Variants in RNF24 observed in about 807,000 individuals in gnomAD.
RNF24 encodes ring finger protein 24.
Under a neutral mutation model 20.0 loss-of-function variants are expected in RNF24, and 14 were observed. That is an observed-to-expected ratio of 0.70 (90% CI 0.46 to 1.10). The LOEUF (loss-of-function observed/expected upper bound fraction) is 1.10, where lower values mean the gene tolerates loss of function less well. RNF24 is among the 50% of genes least tolerant of loss of function. The pLI, the probability that RNF24 is intolerant of heterozygous loss-of-function variation, is 0.00. For synonymous variants in RNF24, 45 were observed against 61.1 expected (o/e 0.74, Z 1.23); for missense variants, 124 against 177.6 (o/e 0.70, Z 1.71).
rs957891600 is a variant in RNF24 at position 3,929,184 on chromosome 20, C to CA, written c.*4878dup. On this transcript the variant is annotated 3_prime_UTR_variant, in exon 6 of 6. Transcript: ENST00000358395. ...GCATTTTCTTTTCAAAGTGTGTGCA[C>CA]AGAGTGAGGAGGCCAGCCTGGGCAA... 6.6e-6 allele frequency: 1 copy of CA among 152,166 alleles called. No individual in the cohort carries two copies. Among genetic ancestry groups the CA allele is most frequent in the African/African-American group, 2.4e-5 (1 of 41,428 alleles). The allele number at this position is 152,166 out of a possible 1,614,324, so 9.4% of individuals were successfully genotyped here.
chr20:4,006,741 T>C (rs1043368324), intron 1 of RNF24, among the ~76,000 whole-genome samples: 2 of 152,194 alleles, frequency 1.3e-5, no homozygotes, highest in Non-Finnish European at 2.9e-5. Flanking sequence ...TGGGGTACTA[T>C]GGAGGGCCAG....
At chr20:3,988,519 G>A (rs1323713177) in intron 1 of RNF24, among the ~76,000 whole-genome samples, 4 of 147,962 alleles carry the variant, frequency 2.7e-5, no homozygotes, top group Admixed American at 6.8e-5. Flanking sequence ...GAATGCAGAG[G>A]TGCAATCACA....
At chr20:3,959,867 G>A (rs1317431202) in intron 2 of RNF24, among the ~76,000 whole-genome samples, 1 of 152,052 alleles carries the variant, frequency 6.6e-6, no homozygotes, top group Non-Finnish European at 1.5e-5. Context: ...GCTTAATATC[G>A]TGCCAGGCAC....
chr20:3,935,165 T>C (rs918566948), intron 4 of RNF24, 92 bp from the exon 5 acceptor site: 15 of 953,578 alleles, frequency 1.6e-5, no homozygotes, highest in Non-Finnish European at 2.5e-5. Context: ...CTCAACCGTT[T>C]GAAGGGACTC....
chr20:3,985,259 G>A (rs894428640), intron 1 of RNF24, among the ~76,000 whole-genome samples: 1 of 152,060 alleles, frequency 6.6e-6, no homozygotes, highest in Non-Finnish European at 1.5e-5. Flanking sequence ...CTAACCAGAT[G>A]TATATATTTG....
intron 1 of RNF24, chr20:3,974,344 G>A (rs752811987): frequency 1.0e-4 from 162 of 1,550,290 alleles, no homozygotes; most frequent in Middle Eastern, 1.7e-4. Context: ...CCCTAAGACC[G>A]GGAACAAGGC....
rs1250049579 is a variant in RNF24 at position 3,933,725 on chromosome 20, T to C, written c.*338A>G. The stretch of plus-strand genomic sequence containing the variant: ...TGGGGGTGTGGCTTGAAAGACCTGC[T>C]CTTAGTTCCCTTCTTTACCCTCCTG... On this transcript the variant is annotated 3_prime_UTR_variant, in exon 6 of 6. Transcript: ENST00000358395. 1 of 188,030 alleles carries C rather than the reference T, an allele frequency of 5.3e-6. No homozygotes were observed. The highest frequency in any genetic ancestry group is 1.1e-5 in the Non-Finnish European group (1 of 92,326). 11.6% of individuals were successfully genotyped at this position (188,030 alleles called of 1,614,324 possible).
At chr20:3,991,805 T>C (rs1980462996) in intron 1 of RNF24, among the ~76,000 whole-genome samples, 1 of 152,146 alleles carries the variant, frequency 6.6e-6, no homozygotes, top group Admixed American at 6.6e-5. Context: ...TAATTATATA[T>C]AAATTGTTTC....
rs932682673 is a variant in RNF24 at position 3,928,081 on chromosome 20, C to T, written c.*5982G>A. 6 of 152,254 alleles carry T rather than the reference C, an allele frequency of 3.9e-5. No individual in the cohort carries two copies. In the East Asian group the frequency reaches 5.8e-4, roughly 15 times the overall value. The allele number at this position is 152,254 out of a possible 1,614,324, so 9.4% of individuals were successfully genotyped here. ...CCCTTATTAATCTTTACTAAAGAAC[C>T]GTGAACCAGCATTTTCCAGTTATCA... On this transcript the variant is annotated 3_prime_UTR_variant, in exon 6 of 6. Transcript: ENST00000358395.
At position 4,001,928 on chromosome 20, in the gene RNF24, C is replaced by CA. The variant is rs574510091; in HGVS notation, c.-8+13508dup. Among the ~76,000 whole-genome samples the CA allele has an allele frequency of 1.4e-4, 22 of 151,934 alleles. No homozygotes were observed. In the East Asian group the frequency reaches 4.3e-3, roughly 29 times the overall value. ...CACCACTGCACTCTAGCCTGGGCGA[C>CA]AGTGAGACCCTGCCTCTTAAAAAAA... On this transcript the variant is annotated intron_variant, in intron 1 of 5. Transcript: ENST00000358395.
Position 3,929,466 on chromosome 20 carries a change from A to C in RNF24, c.*4597T>G, listed in dbSNP as rs1354895288. 1 of 152,270 alleles carries C rather than the reference A, an allele frequency of 6.6e-6. No homozygotes were observed. The highest frequency in any genetic ancestry group is 1.5e-5 in the Non-Finnish European group (1 of 68,068). The allele number at this position is 152,270 out of a possible 1,614,324, so 9.4% of individuals were successfully genotyped here. ...ACGCTGGACATTCAGGCATATCCAC[A>C]TGAGACTCACTGTGCACTTGCTCAG... On this transcript the variant is annotated 3_prime_UTR_variant, in exon 6 of 6. Transcript: ENST00000358395.
At chr20:3,997,119 G>A (rs573780115) in intron 1 of RNF24, among the ~76,000 whole-genome samples, 62 of 151,294 alleles carry the variant, frequency 4.1e-4, no homozygotes, top group African/African-American at 1.1e-3. Flanking sequence ...CCAGCTACTC[G>A]GGAGGCTGAG....
rs1600596352 is a variant in RNF24 at position 3,927,903 on chromosome 20, T to C, written c.*6160A>G. Reference sequence around the variant, plus strand: ...GGACTGGATGGTAAGCCAAAGGTGCTGATGCTTGGTCAAAAAGTGGAGTAC... The same window carrying C: ...GGACTGGATGGTAAGCCAAAGGTGCCGATGCTTGGTCAAAAAGTGGAGTAC... On this transcript the variant is annotated 3_prime_UTR_variant, in exon 6 of 6. Transcript: ENST00000358395. 1 of 152,248 alleles carries C rather than the reference T, an allele frequency of 6.6e-6. No homozygotes were observed. The highest frequency in any genetic ancestry group is 1.5e-5 in the Non-Finnish European group (1 of 68,060). The allele number at this position is 152,248 out of a possible 1,614,324, so 9.4% of individuals were successfully genotyped here.
intron 4 of RNF24, among the ~76,000 whole-genome samples, chr20:3,937,208 C>T (rs1378715585): frequency 6.6e-6 from 1 of 152,012 alleles, no homozygotes; most frequent in African/African-American, 2.4e-5. Flanking sequence ...AAACTATAGC[C>T]ACCTGAGAAA....
chr20:3,941,934 C>T (rs543986008), intron 4 of RNF24, among the ~76,000 whole-genome samples: 3 of 151,748 alleles, frequency 2.0e-5, no homozygotes, highest in East Asian at 3.9e-4. Flanking sequence ...ATTAGCTGGG[C>T]GTGGTGGTGG....
At chr20:3,939,842 C>G (rs184273291) in intron 4 of RNF24, among the ~76,000 whole-genome samples, 21 of 152,188 alleles carry the variant, frequency 1.4e-4, no homozygotes, top group African/African-American at 4.8e-4. Context: ...GGATGTCATC[C>G]CAATTATTTA....
chr20:3,946,529 A>C (rs2146958598), intron 3 of RNF24, among the ~76,000 whole-genome samples: 1 of 151,948 alleles, frequency 6.6e-6, no homozygotes, highest in Non-Finnish European at 1.5e-5. Flanking sequence ...TCTCTACAAA[A>C]AGTACAAAAA....
intron 1 of RNF24, among the ~76,000 whole-genome samples, chr20:3,978,248 G>T (rs1484340821): frequency 3.3e-5 from 5 of 151,916 alleles, no homozygotes; most frequent in African/African-American, 4.8e-5. Flanking sequence ...CTGTTGGCCA[G>T]GCCGGTCTTG....
chr20:3,939,489 GA>G (rs1211340259), intron 4 of RNF24, among the ~76,000 whole-genome samples: 1 of 152,140 alleles, frequency 6.6e-6, no homozygotes, highest in Non-Finnish European at 1.5e-5. Flanking sequence ...CACCCTTGTT[GA>G]AAATCAACTG....
Sources: allele counts gnomAD v4.1 joint callset (sites outside exome capture counted in the v4.1 genomes callset), GRCh38; gene constraint gnomAD v4.1.1; transcripts MANE v1.5; gene names NCBI Gene and HGNC (gene_info 2026-07-23, HGNC 2026-07-21).